SH3RF3: variants seen among roughly 807,000 people sequenced by gnomAD.
SH3RF3 encodes SH3 domain containing ring finger 3, also known as E3 ubiquitin-protein ligase SH3RF3.
A neutral mutation model predicts 66.3 loss-of-function variants in SH3RF3; 29 were observed. That is an observed-to-expected ratio of 0.44 (90% confidence interval 0.33 to 0.60). The LOEUF (loss-of-function observed/expected upper bound fraction) is 0.60, where lower values mean the gene tolerates loss of function less well. Among genes scored for constraint, SH3RF3 ranks in the 20% least tolerant of loss-of-function variants. The pLI is 0.04. For missense variants in SH3RF3, 1,194 were observed against 1,190.9 expected (o/e 1.00, Z -0.04); for synonymous variants, 583 against 532.0 (o/e 1.10, Z -1.32).
At chr2:109,421,787 G>A (rs1676890850) in intron 5 of SH3RF3, among the ~76,000 whole-genome samples, 1 of 152,196 alleles carries the variant, frequency 6.6e-6, no homozygotes, top group African/African-American at 2.4e-5. Flanking sequence ...GTGACACAGT[G>A]GCCCTCCATG....
chr2:109,430,680 G>A (rs978463883), intron 5 of SH3RF3, among the ~76,000 whole-genome samples: 6 of 152,180 alleles, frequency 3.9e-5, no homozygotes, highest in African/African-American at 9.7e-5. Context: ...TTTCCTCTAT[G>A]GTGATGGGAA....
chr2:109,489,973 A>G (rs1679088537), intron 8 of SH3RF3, among the ~76,000 whole-genome samples: 2 of 152,152 alleles, frequency 1.3e-5, no homozygotes, highest in Non-Finnish European at 2.9e-5. Context: ...CCTGACCTCA[A>G]GTGATCTGCC....
intron 1 of SH3RF3, among the ~76,000 whole-genome samples, chr2:109,154,319 A>G (rs979057542): frequency 6.6e-6 from 1 of 152,082 alleles, no homozygotes; most frequent in East Asian, 1.9e-4. Flanking sequence ...CAGCTTGGGT[A>G]GGTGATTGGG....
At chr2:109,398,195 A>G (rs1676203709) in intron 3 of SH3RF3, among the ~76,000 whole-genome samples, 1 of 152,212 alleles carries the variant, frequency 6.6e-6, no homozygotes, top group South Asian at 2.1e-4. Context: ...ACCTGCTGTC[A>G]TGGAGCATGC....
intron 1 of SH3RF3, among the ~76,000 whole-genome samples, chr2:109,200,302 G>T (rs1678639198): frequency 6.6e-6 from 1 of 152,070 alleles, no homozygotes; most frequent in African/African-American, 2.4e-5. Flanking sequence ...TTGCTCAGAG[G>T]CCTTCCCAGA....
intron 9 of SH3RF3, among the ~76,000 whole-genome samples, chr2:109,497,875 G>A (rs534066626): frequency 6.6e-6 from 1 of 152,358 alleles, no homozygotes; most frequent in African/African-American, 2.4e-5. Context: ...TGCATTCAAA[G>A]TCTGAGAAAT....
chr2:109,236,680 C>T lies in SH3RF3; in HGVS notation c.573+106567C>T, dbSNP rs113324963. 1.4e-3 allele frequency among the ~76,000 whole-genome samples: 213 copies of T among 152,192 alleles called. 3 individuals are homozygous for T. Among genetic ancestry groups the T allele is most frequent in the African/African-American group, 4.8e-3 (201 of 41,518 alleles). Reference sequence around the variant, plus strand: ...ATTAAAGACGCCTAAAGGTCAAGGTCGAAGAAAGGAAATCCCAGGTGACAC... The same window carrying T: ...ATTAAAGACGCCTAAAGGTCAAGGTTGAAGAAAGGAAATCCCAGGTGACAC... On this transcript the variant is annotated intron_variant, in intron 1 of 9. Coordinates refer to ENST00000309415, the MANE Select transcript of SH3RF3 (RefSeq NM_001099289.3).
At chr2:109,245,907 T>G (rs1468490140) in intron 1 of SH3RF3, among the ~76,000 whole-genome samples, 1 of 152,164 alleles carries the variant, frequency 6.6e-6, no homozygotes, top group African/African-American at 2.4e-5. Context: ...CGGGCATCAT[T>G]TACTGGTCTC....
chr2:109,189,085 A>T (rs1678271052), intron 1 of SH3RF3, among the ~76,000 whole-genome samples: 1 of 152,030 alleles, frequency 6.6e-6, no homozygotes, highest in Non-Finnish European at 1.5e-5. Context: ...CTCCCCCTGA[A>T]GCCACTCTCT....
chr2:109,377,279 G>C (rs1038336009), intron 3 of SH3RF3, among the ~76,000 whole-genome samples: 3 of 152,328 alleles, frequency 2.0e-5, no homozygotes, highest in African/African-American at 4.8e-5. Flanking sequence ...GCGTTGGTCT[G>C]TGTGGGGAGA....
rs529607573 is a variant in SH3RF3 at position 109,157,278 on chromosome 2, G to A, written c.573+27165G>A. Among the ~76,000 whole-genome samples the A allele has an allele frequency of 3.3e-5, 5 of 152,292 alleles. No individual in the cohort carries two copies. In the East Asian group the frequency reaches 7.7e-4, roughly 23 times the overall value. On this transcript the variant is annotated intron_variant, in intron 1 of 9. Coordinates refer to ENST00000309415, the MANE Select transcript of SH3RF3 (RefSeq NM_001099289.3). Reference sequence around the variant, plus strand: ...TTGCAGTCAGGCCAGCAGAGAGCCCGCATTCCTGTCTCCTACAGTGATCCT... The same window carrying A: ...TTGCAGTCAGGCCAGCAGAGAGCCCACATTCCTGTCTCCTACAGTGATCCT...
At chr2:109,245,697 A>C (rs1574525910) in intron 1 of SH3RF3, among the ~76,000 whole-genome samples, 2 of 152,318 alleles carry the variant, frequency 1.3e-5, no homozygotes, top group East Asian at 3.9e-4. Flanking sequence ...TCTCTCTGAA[A>C]TTGGCCACAA....
intron 3 of SH3RF3, among the ~76,000 whole-genome samples, chr2:109,386,925 C>T (rs1188115119): frequency 6.6e-6 from 1 of 152,136 alleles, no homozygotes; most frequent in Non-Finnish European, 1.5e-5. Flanking sequence ...CCCCATAGGT[C>T]GATGGAGACT....
At chr2:109,146,710 G>C (rs1251121741) in intron 1 of SH3RF3, among the ~76,000 whole-genome samples, 1 of 152,082 alleles carries the variant, frequency 6.6e-6, no homozygotes, top group Non-Finnish European at 1.5e-5. Flanking sequence ...CTGGATTGGG[G>C]GGCCCCATAG....
chr2:109,266,776 G>A (rs966536589), intron 1 of SH3RF3, among the ~76,000 whole-genome samples: 3 of 152,182 alleles, frequency 2.0e-5, no homozygotes, highest in South Asian at 2.1e-4. Flanking sequence ...AGGGGTGAGC[G>A]TGTGCCCACT....
intron 1 of SH3RF3, among the ~76,000 whole-genome samples, chr2:109,219,492 T>C (rs1457563705): frequency 6.6e-6 from 1 of 151,632 alleles, no homozygotes; most frequent in Non-Finnish European, 1.5e-5. Flanking sequence ...GGCTTCCAAA[T>C]TGGAAAAAAA....
chr2:109,464,760 C>G (rs1573273951), intron 8 of SH3RF3, among the ~76,000 whole-genome samples: 1 of 152,214 alleles, frequency 6.6e-6, no homozygotes, highest in Non-Finnish European at 1.5e-5. Flanking sequence ...CTTCTACTAT[C>G]AATGGCCTAC....
intron 8 of SH3RF3, among the ~76,000 whole-genome samples, chr2:109,462,493 G>A (rs1412501077): frequency 3.3e-5 from 5 of 152,058 alleles, no homozygotes; most frequent in African/African-American, 1.2e-4. Context: ...TCTCTCTTCT[G>A]CACCGGCCAA....
chr2:109,201,577 A>T (rs1056549502), intron 1 of SH3RF3, among the ~76,000 whole-genome samples: 4 of 151,924 alleles, frequency 2.6e-5, no homozygotes, highest in Non-Finnish European at 4.4e-5. Context: ...TTCAGTTTTG[A>T]GGTCTCTGAA....
Sources: allele counts gnomAD v4.1 joint callset (sites outside exome capture counted in the v4.1 genomes callset), GRCh38; gene constraint gnomAD v4.1.1; transcripts MANE v1.5; gene names NCBI Gene and HGNC (gene_info 2026-07-23, HGNC 2026-07-21).